ANKRD30A: variants seen among roughly 807,000 people sequenced by gnomAD.
The protein encoded by ANKRD30A is ankyrin repeat domain-containing protein 30A.
In ANKRD30A, 170 loss-of-function variants were observed where a neutral mutation model predicts 166.3. The ratio of observed to expected loss-of-function variants is 1.02; its 90% CI spans 0.90 to 1.16. The LOEUF (loss-of-function observed/expected upper bound fraction) is 1.16. Ranked by LOEUF, ANKRD30A falls within the 50% of genes most tolerant of loss-of-function variation. The pLI is 0.00. For synonymous variants in ANKRD30A, 564 were observed against 508.9 expected, an observed-to-expected ratio of 1.11 and a Z score of -1.46; for missense variants, 1,630 against 1,518.0, an observed-to-expected ratio of 1.07 and a Z score of -1.23.
At chr10:37,159,694 T>G (rs1375998734) in intron 15 of ANKRD30A, among the ~76,000 whole-genome samples, 1 of 152,138 alleles carries the variant, frequency 6.6e-6, no homozygotes, top group African/African-American at 2.4e-5. Flanking sequence ...ATTTTTTTCT[T>G]CAGTTTTTTT....
the ANKRD30A span, among the ~76,000 whole-genome samples, chr10:37,251,589 T>G: frequency 7.2e-5 from 11 of 152,188 alleles, no homozygotes; most frequent in African/African-American, 2.7e-4. Flanking sequence ...CCTTTGATAC[T>G]GTGTGGATCA....
Position 37,142,164 on chromosome 10 carries a change from G to A in ANKRD30A, c.1267G>A (p.Glu423Lys). The change falls in exon 7 of 36, where the codon GAA (glutamate) becomes AAA (lysine). Residue 423 changes from glutamate to lysine, a missense_variant. Coordinates refer to ENST00000361713, the MANE Select transcript of ANKRD30A (RefSeq NM_052997.3). ...TAGGAAGATCGCATGGGAGAAAAAAGAAACACCTGTAAAGACTGGATGCGT... is the reference window on the plus strand; with the variant it reads ...TAGGAAGATCGCATGGGAGAAAAAAAAAACACCTGTAAAGACTGGATGCGT... Reference protein sequence around the residue: ...RPRKIAWEKKETPVKTGCVAR... With the variant: ...RPRKIAWEKKKTPVKTGCVAR... 1 of 1,614,034 alleles carries A rather than the reference G, an allele frequency of 6.2e-7. No individual in the cohort carries two copies. Among genetic ancestry groups the A allele is most frequent in the Non-Finnish European group, 8.5e-7 (1 of 1,179,994 alleles).
chr10:37,143,900 A>C (rs1837329286), intron 7 of ANKRD30A, among the ~76,000 whole-genome samples: 1 of 150,940 alleles, frequency 6.6e-6, no homozygotes, highest in African/African-American at 2.4e-5. Context: ...CTTTTGTAGT[A>C]GTTCATGCTA....
chr10:37,209,992 C>A (rs756207278), intron 31 of ANKRD30A, among the ~76,000 whole-genome samples: 1 of 151,964 alleles, frequency 6.6e-6, no homozygotes, highest in Non-Finnish European at 1.5e-5. Flanking sequence ...AATTTAAGTT[C>A]TAGGTTACAT....
intron 13 of ANKRD30A, among the ~76,000 whole-genome samples, chr10:37,154,421 G>A (rs1479076428): frequency 6.6e-6 from 1 of 152,188 alleles, no homozygotes; most frequent in Non-Finnish European, 1.5e-5. Context: ...TGGGTAGCAA[G>A]AGGAGAGGCC....
intron 29 of ANKRD30A, among the ~76,000 whole-genome samples, chr10:37,199,459 G>A (rs1229149983): frequency 6.6e-6 from 1 of 152,004 alleles, no homozygotes; most frequent in Admixed American, 6.6e-5. Flanking sequence ...AGAAGAGTAT[G>A]TGACTGCTTT....
At chr10:37,135,303 A>C (rs942468439) in intron 5 of ANKRD30A, 1 of 152,216 alleles carries the variant, frequency 6.6e-6, no homozygotes, top group African/African-American at 2.4e-5. Context: ...TCGTCCCTGC[A>C]CAAGGATGAC....
chr10:37,142,394 A>G, intron 7 of ANKRD30A, 104 bp downstream of exon 7: 1 of 1,103,432 alleles, frequency 9.1e-7, no homozygotes, highest in African/African-American at 1.6e-5. Flanking sequence ...ATATCTAAAT[A>G]AGGCGAGCTT....
the ANKRD30A span, among the ~76,000 whole-genome samples, chr10:37,241,454 C>T: frequency 6.6e-6 from 1 of 151,420 alleles, no homozygotes; most frequent in Non-Finnish European, 1.5e-5. Context: ...GCATTTTAAA[C>T]CATGTTTCTA....
intron 1 of ANKRD30A, among the ~76,000 whole-genome samples, chr10:37,129,303 T>C (rs1467505332): frequency 6.6e-6 from 1 of 152,190 alleles, no homozygotes; most frequent in Non-Finnish European, 1.5e-5. Flanking sequence ...GAACTATAAG[T>C]GGCATTTCAA....
At chr10:37,239,497 A>G in the ANKRD30A span, among the ~76,000 whole-genome samples, 2 of 152,270 alleles carry the variant, frequency 1.3e-5, no homozygotes, top group Admixed American at 1.3e-4. Flanking sequence ...AGTTGATAAC[A>G]TAGAACATAC....
intron 34 of ANKRD30A, among the ~76,000 whole-genome samples, chr10:37,228,623 T>G (rs1843270438): frequency 6.6e-6 from 1 of 151,982 alleles, no homozygotes; most frequent in Non-Finnish European, 1.5e-5. Context: ...TCTTACTGAT[T>G]TCCTAACTTG....
intron 31 of ANKRD30A, among the ~76,000 whole-genome samples, chr10:37,206,587 C>G (rs1030620160): frequency 6.6e-6 from 1 of 151,996 alleles, no homozygotes; most frequent in Non-Finnish European, 1.5e-5. Context: ...GTCAGCAGTT[C>G]GAGACCAGCC....
downstream of ANKRD30A, among the ~76,000 whole-genome samples, chr10:37,234,370 C>G (rs954135332): frequency 6.6e-6 from 1 of 151,968 alleles, no homozygotes; most frequent in African/African-American, 2.4e-5. Flanking sequence ...GTCATTGGAT[C>G]CTTTTGCATA....
At chr10:37,262,591 A>G in the ANKRD30A span, 1 of 154,348 alleles carries the variant, frequency 6.5e-6, no homozygotes, top group Non-Finnish European at 1.5e-5. Flanking sequence ...TTTTCATGCT[A>G]TGATTTATTT....
intron 19 of ANKRD30A, among the ~76,000 whole-genome samples, chr10:37,167,487 A>ATT (rs1224844967): frequency 6.6e-6 from 1 of 151,658 alleles, no homozygotes; most frequent in Non-Finnish European, 1.5e-5. Context: ...AAAACTCTGA[A>ATT]TTTATGACTT....
chr10:37,238,864 T>C, the ANKRD30A span, among the ~76,000 whole-genome samples: 1 of 152,252 alleles, frequency 6.6e-6, no homozygotes, highest in South Asian at 2.1e-4. Context: ...AAGACCTCTC[T>C]AGTAATGTGT....
chr10:37,145,119 A>G lies in ANKRD30A; in HGVS notation c.1455+63A>G. On this transcript the variant is annotated intron_variant, in intron 8 of 35. Coordinates refer to ENST00000361713, the MANE Select transcript of ANKRD30A (RefSeq NM_052997.3). ...AATATTGAGTGATGTGAAAATATAAAGTCAGAGGCTTTGACTTGGTTTTCT... is the reference window on the plus strand; with the variant it reads ...AATATTGAGTGATGTGAAAATATAAGGTCAGAGGCTTTGACTTGGTTTTCT... 3 of 1,318,750 alleles carry G rather than the reference A, an allele frequency of 2.3e-6. No homozygotes were observed. In the South Asian group the frequency reaches 4.2e-5, roughly 19 times the overall value. 81.7% of individuals were successfully genotyped at this position (1,318,750 alleles called of 1,614,324 possible). A position where few individuals can be genotyped will look rare whatever the true frequency, so the allele number is the denominator to read the frequency against.
chr10:37,141,064 A>G (rs1322044044), intron 6 of ANKRD30A, among the ~76,000 whole-genome samples: 3 of 151,998 alleles, frequency 2.0e-5, no homozygotes, highest in Non-Finnish European at 4.4e-5. Flanking sequence ...TTATTATATA[A>G]TTGGTCATTT....
Sources: gnomAD v4.1 joint callset for allele counts (sites outside exome capture counted in the v4.1 genomes callset) on GRCh38, gnomAD v4.1.1 for gene constraint, MANE v1.5 for transcripts, NCBI Gene and HGNC (gene_info 2026-07-23, HGNC 2026-07-21) for gene names.